GTF2H1: variants seen among roughly 807,000 people sequenced by gnomAD.
The protein encoded by GTF2H1 is BTF2 p62.
Under a neutral mutation model 71.2 loss-of-function variants are expected in GTF2H1, and 16 were observed. The ratio of observed to expected loss-of-function variants is 0.22; its 90% CI spans 0.15 to 0.34. The LOEUF (loss-of-function observed/expected upper bound fraction) is 0.34. Among genes scored for constraint, GTF2H1 ranks in the 10% least tolerant of loss-of-function variants. GTF2H1 has a pLI of 1.00. For synonymous variants in GTF2H1, 215 were observed against 219.0 expected (o/e 0.98, Z 0.16); for missense variants, 498 against 648.2 (o/e 0.77, Z 2.52).
At chr11:18,348,970 C>G (rs1865363010) in intron 9 of GTF2H1, 1 of 151,760 alleles carries the variant, frequency 6.6e-6, no homozygotes, top group African/African-American at 2.4e-5. Flanking sequence ...TCTCGGCTCA[C>G]TGCAACGTCT....
intron 1 of GTF2H1, among the ~76,000 whole-genome samples, chr11:18,324,837 C>G (rs1352593935): frequency 6.6e-6 from 1 of 152,174 alleles, no homozygotes; most frequent in African/African-American, 2.4e-5. Flanking sequence ...ATATTTTCTT[C>G]TGTCATGCAT....
rs1865623096 is a variant in GTF2H1 at position 18,358,605 on chromosome 11, T to G, written c.1432T>G (p.Cys478Gly). Residue 478 changes from cysteine to glycine, a missense_variant, in exon 13 of 15, where the codon TGC becomes GGC. This residue lies in a region of GTF2H1 where 266 missense variants were observed against 301.6 expected (regional missense o/e 0.88). Coordinates refer to ENST00000265963, the MANE Select transcript of GTF2H1 (RefSeq NM_005316.4). ...AGAACTTCTACGACATTTCTGGTCCTGCTTTCCTGTTAATACGCCATTCCT... is the reference window on the plus strand; with the variant it reads ...AGAACTTCTACGACATTTCTGGTCCGGCTTTCCTGTTAATACGCCATTCCT... Reference protein sequence around the residue: ...VGELLRHFWSCFPVNTPFLEE... With the variant: ...VGELLRHFWSGFPVNTPFLEE... 2 of 1,611,030 alleles carry G rather than the reference T, an allele frequency of 1.2e-6. No individual in the cohort carries two copies. The highest frequency in any genetic ancestry group is 3.3e-5 in the Admixed American group (2 of 60,000).
At chr11:18,330,079 A>G (rs1240319680) in intron 1 of GTF2H1, among the ~76,000 whole-genome samples, 1 of 152,230 alleles carries the variant, frequency 6.6e-6, no homozygotes, top group East Asian at 1.9e-4. Context: ...ATGGGTGTGT[A>G]CTATAGTCAA....
intron 11 of GTF2H1, 148 bp downstream of exon 11, chr11:18,352,594 C>A: frequency 4.1e-6 from 2 of 486,452 alleles, no homozygotes; most frequent in South Asian, 4.0e-5. Context: ...CAAGAGGTAG[C>A]AAGAAAAGGT....
chr11:18,361,543 C>T (rs1181426889), intron 14 of GTF2H1, among the ~76,000 whole-genome samples: 1 of 152,192 alleles, frequency 6.6e-6, no homozygotes, highest in Non-Finnish European at 1.5e-5. Flanking sequence ...GTGGCGCATG[C>T]CTGTAGTCCC....
intron 1 of GTF2H1, among the ~76,000 whole-genome samples, chr11:18,332,342 C>G (rs1353083822): frequency 1.3e-5 from 2 of 152,206 alleles, no homozygotes; most frequent in Non-Finnish European, 2.9e-5. Flanking sequence ...AGCAGTTTTT[C>G]TCACTGAGTC....
intron 1 of GTF2H1, among the ~76,000 whole-genome samples, chr11:18,324,963 A>G (rs1160825511): frequency 1.3e-5 from 2 of 152,248 alleles, no homozygotes; most frequent in African/African-American, 4.8e-5. Context: ...CTGTGAAATT[A>G]TCCTTAAAAC....
intron 1 of GTF2H1, among the ~76,000 whole-genome samples, chr11:18,328,219 A>G (rs1316205169): frequency 4.1e-5 from 6 of 146,476 alleles, no homozygotes; most frequent in Non-Finnish European, 4.5e-5. Flanking sequence ...AAAAAAAAAA[A>G]AGAATATGGG....
intron 13 of GTF2H1, among the ~76,000 whole-genome samples, chr11:18,360,320 A>G (rs1405690885): frequency 1.3e-5 from 2 of 151,834 alleles, no homozygotes; most frequent in Non-Finnish European, 2.9e-5. Context: ...ACGGGGTTTC[A>G]CCATGTTAGC....
intron 1 of GTF2H1, among the ~76,000 whole-genome samples, chr11:18,327,716 C>G (rs1439174205): frequency 6.6e-6 from 1 of 152,172 alleles, no homozygotes; most frequent in Admixed American, 6.5e-5. Context: ...AGCCTCCCGA[C>G]TTGCTGGGAC....
chr11:18,349,843 G>A (rs578012613), intron 9 of GTF2H1, among the ~76,000 whole-genome samples: 1 of 152,256 alleles, frequency 6.6e-6, no homozygotes, highest in Admixed American at 6.5e-5. Flanking sequence ...CCATAGTTTA[G>A]CCTATCCTAC....
intron 13 of GTF2H1, among the ~76,000 whole-genome samples, chr11:18,359,995 C>G (rs1435895329): frequency 1.3e-5 from 2 of 151,722 alleles, no homozygotes; most frequent in Non-Finnish European, 2.9e-5. Flanking sequence ...ATCACCTGAG[C>G]CTAGAGAGGT....
intron 1 of GTF2H1, among the ~76,000 whole-genome samples, chr11:18,325,262 A>ATTCTTCCTTATCACTGT (rs1233386955): frequency 1.8e-4 from 28 of 152,342 alleles, no homozygotes; most frequent in African/African-American, 6.7e-4. Context: ...ACCAGTTCAT[A>ATTCTTCCTTATCACTGT]TTCTTCCTTA....
chr11:18,350,848 T>C lies in GTF2H1; in HGVS notation c.1054-1033T>C, dbSNP rs1414459957. ...TTTCATAAGTAATATGTTTGTATTA[T>C]TACAAGGCTGTAAAAATTTAAGCAG... On this transcript the variant is annotated intron_variant, in intron 9 of 14. Transcript: ENST00000265963. Among the ~76,000 whole-genome samples the C allele has an allele frequency of 2.0e-5, 3 of 152,200 alleles. No individual in the cohort carries two copies. In the East Asian group the frequency reaches 5.8e-4, roughly 29 times the overall value.
chr11:18,339,820 A>G (rs1865115288), intron 5 of GTF2H1, among the ~76,000 whole-genome samples, 163 bp downstream of exon 5: 1 of 152,232 alleles, frequency 6.6e-6, no homozygotes, highest in South Asian at 2.1e-4. Context: ...GGCTCAGTAA[A>G]TAATGTGTTG....
rs1865163061 is a variant in GTF2H1, at chr11:18,341,786, A to G, written c.837+179A>G. On this transcript the variant is annotated intron_variant, in intron 7 of 14. Transcript: ENST00000265963. The stretch of plus-strand genomic sequence containing the variant: ...GTTGTTTGCCATTAAAATTGCCTAG[A>G]AGAAATGAAATTCCTGTGTGAGTTG... 3 of 488,386 alleles carry G rather than the reference A, an allele frequency of 6.1e-6. No homozygotes were observed. The East Asian group carries it at 1.1e-4, about 17-fold the overall frequency. The allele number at this position is 488,386 out of a possible 1,614,324, so 30.3% of individuals were successfully genotyped here.
intron 7 of GTF2H1, among the ~76,000 whole-genome samples, chr11:18,344,197 A>T (rs1287487482): frequency 2.6e-5 from 4 of 152,176 alleles, no homozygotes; most frequent in Non-Finnish European, 5.9e-5. Context: ...CATCTGTGGG[A>T]TCTACACAAA....
chr11:18,336,173 C>T (rs1441922665), intron 3 of GTF2H1, among the ~76,000 whole-genome samples: 2 of 152,138 alleles, frequency 1.3e-5, no homozygotes, highest in Admixed American at 1.3e-4. Flanking sequence ...GTCGCCTAGG[C>T]TGGAGTGCAG....
At chr11:18,340,208 A>G (rs560786782) in intron 5 of GTF2H1, among the ~76,000 whole-genome samples, 18 of 151,626 alleles carry the variant, frequency 1.2e-4, no homozygotes, top group African/African-American at 4.4e-4. Flanking sequence ...TAATCCCAAC[A>G]CTTCAGGAGG....
Sources: allele counts gnomAD v4.1 joint callset (sites outside exome capture counted in the v4.1 genomes callset), GRCh38; gene constraint gnomAD v4.1.1; regional missense constraint gnomAD v4.1.1; transcripts MANE v1.5; gene names NCBI Gene and HGNC (gene_info 2026-07-23, HGNC 2026-07-21).